Variants in MTHFD1 observed in about 807,000 individuals in gnomAD.
The protein encoded by MTHFD1 is C-1-tetrahydrofolate synthase, cytoplasmic.
A neutral mutation model predicts 110.3 loss-of-function variants in MTHFD1; 44 were observed. The observed-to-expected ratio is 0.40, with a 90% CI of 0.31 to 0.51. The LOEUF (loss-of-function observed/expected upper bound fraction) is 0.51. Among genes scored for constraint, MTHFD1 ranks in the 20% least tolerant of loss-of-function variants. The pLI is 0.60. For synonymous variants in MTHFD1, 402 were observed against 428.8 expected, an observed-to-expected ratio of 0.94 and a Z score of 0.77; for missense variants, 909 against 1,173.1, an observed-to-expected ratio of 0.77 and a Z score of 3.29.
intron 7 of MTHFD1, among the ~76,000 whole-genome samples, chr14:64,418,543 CCTTTTT>C (rs2078044248): frequency 6.6e-6 from 1 of 151,684 alleles, no homozygotes; most frequent in Middle Eastern, 3.4e-3. Context: ...TTTCTCTCTT[CCTTTTT>C]CTTTTTTCTT....
intron 13 of MTHFD1, among the ~76,000 whole-genome samples, chr14:64,430,444 A>G (rs1227646115): frequency 2.0e-5 from 3 of 152,090 alleles, no homozygotes; most frequent in East Asian, 1.9e-4. Flanking sequence ...GATTACAGGC[A>G]TGCACCACCA....
chr14:64,442,505 G>A (rs565743139), intron 21 of MTHFD1, 103 bp downstream of exon 21: 11 of 1,246,296 alleles, frequency 8.8e-6, no homozygotes, highest in East Asian at 7.0e-5. Context: ...TCTTATCCTC[G>A]TGATTAACAG....
intron 17 of MTHFD1, among the ~76,000 whole-genome samples, chr14:64,439,895 A>AG (rs1491468396): frequency 0.022 from 2,665 of 121,096 alleles, 14 homozygotes; most frequent in Middle Eastern, 0.052. Context: ...CTCTGTCTCC[A>AG]AAAAAAAAAA....
chr14:64,388,580 G>A (rs1596526280), intron 1 of MTHFD1, 112 bp downstream of exon 1: 1 of 956,732 alleles, frequency 1.0e-6, no homozygotes, highest in East Asian at 2.5e-5. Flanking sequence ...GGAAGAGTTA[G>A]GCCCATAACA....
intron 9 of MTHFD1, among the ~76,000 whole-genome samples, 177 bp from the exon 10 acceptor site, chr14:64,425,553 G>A (rs1019800242): frequency 6.6e-6 from 1 of 152,080 alleles, no homozygotes; most frequent in Non-Finnish European, 1.5e-5. Flanking sequence ...GGGGCCAGGC[G>A]AGCAGCCCCA....
chr14:64,459,208 C>A (rs2078523672), intron 27 of MTHFD1, among the ~76,000 whole-genome samples: 1 of 152,090 alleles, frequency 6.6e-6, no homozygotes, highest in Non-Finnish European at 1.5e-5. Flanking sequence ...TAGCAATGTA[C>A]TTAGCAAAAT....
chr14:64,418,803 G>C (rs1191019969), intron 7 of MTHFD1, among the ~76,000 whole-genome samples: 1 of 152,108 alleles, frequency 6.6e-6, no homozygotes, highest in Non-Finnish European at 1.5e-5. Context: ...TGATCCACCT[G>C]CCTTGGCCTC....
In MTHFD1 at chr14:64,442,345, C is replaced by A. The variant is rs370842781; in HGVS notation, c.2079C>A (p.His693Gln). 1 of 1,614,226 alleles carries A rather than the reference C, an allele frequency of 6.2e-7. No homozygotes were observed. Among genetic ancestry groups the A allele is most frequent in the Non-Finnish European group, 8.5e-7 (1 of 1,180,040 alleles). The part of the protein sequence containing the change: ...IKCRYSGLCP[H>Q]VVVLVATVRA... ...GCCGGTATTCCGGCCTCTGCCCCCA[C>A]GTGGTGGTGCTTGTTGCCACTGTCA... The change falls in exon 21 of 28, where the codon CAC becomes CAA. Residue 693 changes from histidine to glutamine, a missense_variant. Coordinates refer to ENST00000652337, the MANE Select transcript of MTHFD1 (RefSeq NM_005956.4).
chr14:64,430,774 C>T (rs753634508), intron 13 of MTHFD1, among the ~76,000 whole-genome samples: 2 of 152,192 alleles, frequency 1.3e-5, no homozygotes, highest in Admixed American at 6.5e-5. Context: ...TTATTATAAG[C>T]AAATGACCAA....
intron 24 of MTHFD1, among the ~76,000 whole-genome samples, chr14:64,453,414 A>T (rs1001363174): frequency 1.3e-5 from 2 of 152,112 alleles, no homozygotes; most frequent in Non-Finnish European, 2.9e-5. Context: ...TCTACTAAAA[A>T]TACAGAATTA....
At chr14:64,414,286 C>CTTTTTTTTTTTTTTTTTT (rs3062425) in intron 4 of MTHFD1, among the ~76,000 whole-genome samples, 5 of 86,452 alleles carry the variant, frequency 5.8e-5, no homozygotes, top group African/African-American at 2.4e-4. Context: ...CCTGTCCCCG[C>CTTTTTTTTTTTTTTTTTT]TTTTTTTTTT....
chr14:64,412,337 G>A, intron 3 of MTHFD1, 135 bp from the exon 4 acceptor site: 1 of 727,042 alleles, frequency 1.4e-6, no homozygotes, highest in Non-Finnish European at 2.5e-6. Flanking sequence ...TTGAAGTGAG[G>A]GACTCATTCT....
At position 64,418,457 on chromosome 14, in the gene MTHFD1, A is replaced by AAG. The variant is rs532817831; in HGVS notation, c.615+434_615+435insGA. Among the ~76,000 whole-genome samples the AAG allele has an allele frequency of 8.5e-3, 1,285 of 151,306 alleles. 13 individuals are homozygous for AAG. Among genetic ancestry groups the AAG allele is most frequent in the Middle Eastern group, 0.024 (7 of 292 alleles). ...CAGAGCAAGACCCTGTCTCAAAAAAAAAAAAAAATTAATTAATTAAAAAAA... is the reference window on the plus strand; with the variant it reads ...CAGAGCAAGACCCTGTCTCAAAAAAAAGAAAAAAAATTAATTAATTAAAAAAA... On this transcript the variant is annotated intron_variant, in intron 7 of 27. Coordinates refer to ENST00000652337, the MANE Select transcript of MTHFD1 (RefSeq NM_005956.4).
intron 4 of MTHFD1, among the ~76,000 whole-genome samples, chr14:64,414,832 G>A (rs1474738674): frequency 1.3e-5 from 2 of 151,960 alleles, no homozygotes; most frequent in Non-Finnish European, 1.5e-5. Flanking sequence ...TAGGATTACA[G>A]GCATGTGCCA....
chr14:64,451,179 GTTTTA>G (rs926556660), intron 24 of MTHFD1, among the ~76,000 whole-genome samples: 44 of 151,930 alleles, frequency 2.9e-4, no homozygotes, highest in African/African-American at 1.0e-3. Flanking sequence ...AAAAAATTTT[GTTTTA>G]TTTTATTTTA....
At chr14:64,421,784 C>T (rs772387349) in intron 8 of MTHFD1, among the ~76,000 whole-genome samples, 21 of 152,086 alleles carry the variant, frequency 1.4e-4, no homozygotes, top group East Asian at 5.8e-4. Flanking sequence ...CCACCACGCC[C>T]GGCTAATTTT....
At chr14:64,448,029 C>T in intron 22 of MTHFD1, 188 bp from the exon 23 acceptor site, 1 of 622,172 alleles carries the variant, frequency 1.6e-6, no homozygotes. Flanking sequence ...GTGAAAGCTG[C>T]AGTTCTCCAT....
At chr14:64,419,967 GA>G in intron 8 of MTHFD1, 42 bp downstream of exon 8, 13 of 1,362,218 alleles carry the variant, frequency 9.5e-6, no homozygotes, top group African/African-American at 8.6e-5. Flanking sequence ...TGGTATTGAG[GA>G]TGGTATCTAG....
chr14:64,397,168 T>A (rs2077860919), intron 1 of MTHFD1, among the ~76,000 whole-genome samples: 2 of 18,786 alleles, frequency 1.1e-4, no homozygotes, highest in Non-Finnish European at 1.9e-4. Context: ...TATATATATA[T>A]ATATATATAT....
Sources: gnomAD v4.1 joint callset for allele counts (sites outside exome capture counted in the v4.1 genomes callset) on GRCh38, gnomAD v4.1.1 for gene constraint, MANE v1.5 for transcripts, NCBI Gene and HGNC (gene_info 2026-07-23, HGNC 2026-07-21) for gene names.